Variants in PRRX1 observed in about 807,000 individuals in gnomAD.
PRRX1 encodes the protein paired mesoderm homeobox protein 1.
In PRRX1, 8 loss-of-function variants were observed where a neutral mutation model predicts 24.0. The observed-to-expected ratio is 0.33, with a 90% CI of 0.20 to 0.60. The LOEUF is 0.60. Among genes scored for constraint, PRRX1 ranks in the 20% least tolerant of loss-of-function variants. The probability of loss-of-function intolerance (pLI) is 0.82; values close to 1 mark genes in which losing one functional copy is unlikely to be tolerated. For missense variants in PRRX1, 281 were observed against 322.4 expected, an observed-to-expected ratio of 0.87 and a Z score of 0.98; for synonymous variants, 160 against 131.7, an observed-to-expected ratio of 1.22 and a Z score of -1.47.
At chr1:170,678,239 C>T (rs1653388070) in intron 1 of PRRX1, among the ~76,000 whole-genome samples, 1 of 152,190 alleles carries the variant, frequency 6.6e-6, no homozygotes, top group African/African-American at 2.4e-5. Context: ...ATCTGATAAG[C>T]CTGGAAGACA....
At chr1:170,707,262 C>A (rs1215693025) in intron 1 of PRRX1, among the ~76,000 whole-genome samples, 1 of 152,054 alleles carries the variant, frequency 6.6e-6, no homozygotes, top group African/African-American at 2.4e-5. Context: ...ATGATATCAT[C>A]AGGGAAAGTA....
intron 1 of PRRX1, chr1:170,667,310 G>GCGCACACACACA (rs143131256): frequency 6.7e-6 from 1 of 149,848 alleles, no homozygotes; most frequent in African/African-American, 2.5e-5. Context: ...GCGCGCGCGC[G>GCGCACACACACA]CACACACACA....
Position 170,692,712 on chromosome 1 carries a change from T to A in PRRX1, c.242-27014T>A, listed in dbSNP as rs190673122. Among the ~76,000 whole-genome samples the A allele has an allele frequency of 6.5e-4, 73 of 112,290 alleles. No individual in the cohort carries two copies. In the East Asian group the frequency reaches 0.014, roughly 22 times the overall value. 73.7% of individuals were successfully genotyped at this position (112,290 alleles called of 152,430 possible). The stretch of plus-strand genomic sequence containing the variant: ...AGAAACCCCTTAACGAACTAACAAA[T>A]CCTCTCTCTCTCTCTCTCTCTCTCT... On this transcript the variant is annotated intron_variant, in intron 1 of 3. Coordinates refer to ENST00000239461, the MANE Select transcript of PRRX1 (RefSeq NM_022716.4).
rs190771176 is a variant in PRRX1 at position 170,691,803 on chromosome 1, C to T, written c.241+27344C>T. On this transcript the variant is annotated intron_variant, in intron 1 of 3. Transcript: ENST00000239461. ...ATGAAGCATAGTCCAAATGGTTTAA[C>T]GTAAAGGATGAAAATATTAACCCTG... 6.3e-4 allele frequency among the ~76,000 whole-genome samples: 96 copies of T among 151,908 alleles called. 1 individual carries two copies. Among genetic ancestry groups the T allele is most frequent in the Middle Eastern group, 3.4e-3 (1 of 294 alleles).
intron 1 of PRRX1, among the ~76,000 whole-genome samples, chr1:170,699,795 G>A (rs1254951322): frequency 6.6e-6 from 1 of 152,054 alleles, no homozygotes; most frequent in East Asian, 1.9e-4. Context: ...GAGTGTGGTG[G>A]CGTGATCTAG....
intron 1 of PRRX1, among the ~76,000 whole-genome samples, chr1:170,677,294 C>G (rs1019782110): frequency 6.6e-6 from 1 of 152,166 alleles, no homozygotes; most frequent in African/African-American, 2.4e-5. Context: ...ATATTTATCA[C>G]GCAGATTTGT....
intron 1 of PRRX1, among the ~76,000 whole-genome samples, chr1:170,697,508 T>C (rs975698626): frequency 1.3e-5 from 2 of 151,890 alleles, no homozygotes; most frequent in African/African-American, 4.8e-5. Flanking sequence ...GTCTTCATTA[T>C]TGCATCATTC....
chr1:170,728,286 A>G (rs1416605439), intron 3 of PRRX1: 1 of 152,224 alleles, frequency 6.6e-6, no homozygotes, highest in Non-Finnish European at 1.5e-5. Context: ...TGTGTTTAGT[A>G]TATGGACATC....
upstream of PRRX1, chr1:170,663,897 T>G: frequency 6.6e-6 from 2 of 304,188 alleles, no homozygotes; most frequent in Non-Finnish European, 1.2e-5. Flanking sequence ...GACTTGAACA[T>G]AGGGTGACTT....
intron 1 of PRRX1, among the ~76,000 whole-genome samples, chr1:170,692,704 C>A (rs1051679809): frequency 1.4e-5 from 2 of 143,216 alleles, no homozygotes; most frequent in African/African-American, 5.1e-5. Context: ...CCTTAACGAA[C>A]TAACAAATCC....
intron 3 of PRRX1, chr1:170,727,328 G>T (rs1192944044): frequency 6.6e-6 from 1 of 152,156 alleles, no homozygotes; most frequent in East Asian, 1.9e-4. Context: ...GATTAGTCTA[G>T]AGTGACTTTC....
chr1:170,711,833 A>G (rs764651268), intron 1 of PRRX1, among the ~76,000 whole-genome samples: 6 of 152,196 alleles, frequency 3.9e-5, no homozygotes, highest in Non-Finnish European at 8.8e-5. Flanking sequence ...ACACATCTGG[A>G]TTATTGCAAG....
At chr1:170,730,408 G>C in intron 3 of PRRX1, 1 of 1,426,728 alleles carries the variant, frequency 7.0e-7, no homozygotes, top group East Asian at 2.3e-5. Context: ...TGGGAATTCA[G>C]AGTGTTTAAG....
In PRRX1 at chr1:170,730,740, T is replaced by C. The variant is rs892586325; in HGVS notation, c.599+4339T>C. 3.5e-5 allele frequency: 7 copies of C among 202,270 alleles called. No homozygotes were observed. The South Asian group carries it at 3.7e-4, about 11-fold the overall frequency. The allele number at this position is 202,270 out of a possible 1,614,324, so 12.5% of individuals were successfully genotyped here. On this transcript the variant is annotated intron_variant, in intron 3 of 3. Transcript: ENST00000239461. ...GTTACAGGACGGGGTTCGGAAGAAC[T>C]ACGTTCTTGTCCTGGCTTCTGCTGC...
At chr1:170,717,013 G>A (rs946921237) in intron 1 of PRRX1, among the ~76,000 whole-genome samples, 2 of 152,166 alleles carry the variant, frequency 1.3e-5, no homozygotes, top group South Asian at 2.1e-4. Context: ...ACTGCTGCTC[G>A]AGCTGTCTCT....
At position 170,705,876 on chromosome 1, in the gene PRRX1, A is replaced by G. The variant is rs575206238; in HGVS notation, c.242-13850A>G. On this transcript the variant is annotated intron_variant, in intron 1 of 3. Coordinates refer to ENST00000239461, the MANE Select transcript of PRRX1 (RefSeq NM_022716.4). ...TTCTAGCACTGCTGTTACCAGTTCAATTTTGGGTTCTCTGGGCTAAGTCAC... is the reference window on the plus strand; with the variant it reads ...TTCTAGCACTGCTGTTACCAGTTCAGTTTTGGGTTCTCTGGGCTAAGTCAC... 2.0e-5 allele frequency among the ~76,000 whole-genome samples: 3 copies of G among 151,358 alleles called. No individual in the cohort carries two copies. The South Asian group carries it at 6.3e-4, about 32-fold the overall frequency.
At chr1:170,705,075 A>G (rs1654513701) in intron 1 of PRRX1, among the ~76,000 whole-genome samples, 1 of 152,162 alleles carries the variant, frequency 6.6e-6, no homozygotes. Flanking sequence ...TCACAATGTA[A>G]TGGGAGAACA....
intron 1 of PRRX1, among the ~76,000 whole-genome samples, chr1:170,671,565 C>A (rs1653147033): frequency 6.6e-6 from 1 of 152,226 alleles, no homozygotes; most frequent in Admixed American, 6.5e-5. Flanking sequence ...TGGTACCTAT[C>A]CTGCCTTCAA....
intron 1 of PRRX1, among the ~76,000 whole-genome samples, chr1:170,703,717 A>G (rs1654470943): frequency 6.6e-6 from 1 of 152,190 alleles, no homozygotes; most frequent in African/African-American, 2.4e-5. Flanking sequence ...ACTACCAGAT[A>G]TCAGCTGCAT....
Sources: gnomAD v4.1 joint callset for allele counts (sites outside exome capture counted in the v4.1 genomes callset) on GRCh38, gnomAD v4.1.1 for gene constraint, MANE v1.5 for transcripts, NCBI Gene and HGNC (gene_info 2026-07-23, HGNC 2026-07-21) for gene names.